CRKL: variants seen among roughly 807,000 people sequenced by gnomAD.
CRKL encodes CRK like proto-oncogene, adaptor protein.
CRKL carries 3 observed loss-of-function variants against 23.0 expected under a neutral mutation model. That is an observed-to-expected ratio of 0.13 (90% confidence interval 0.06 to 0.34). CRKL has a LOEUF of 0.34. Ranked by LOEUF, CRKL falls within the 10% of genes least tolerant of loss-of-function variation. The pLI, the probability that CRKL is intolerant of heterozygous loss-of-function variation, is 1.00. For missense variants in CRKL, 256 were observed against 394.5 expected (o/e 0.65, Z 2.97); for synonymous variants, 188 against 160.7 (o/e 1.17, Z -1.28).
intron 2 of CRKL, among the ~76,000 whole-genome samples, chr22:20,942,305 G>C (rs571360534): frequency 6.6e-6 from 1 of 152,284 alleles, no homozygotes; most frequent in East Asian, 1.9e-4. Context: ...CCAGTGCTTT[G>C]AAAGGCCAAG....
chr22:20,939,233 CTTTTTTTTTTTTTT>C (rs140538861), intron 2 of CRKL, among the ~76,000 whole-genome samples: 8 of 75,150 alleles, frequency 1.1e-4, no homozygotes, highest in Admixed American at 9.8e-4. Flanking sequence ...ACATAAGTTG[CTTTTTTTTTTTTTT>C]TTTTTTTTTT....
chr22:20,933,588 A>G (rs1921544721), intron 1 of CRKL, among the ~76,000 whole-genome samples, 191 bp from the exon 2 acceptor site: 1 of 152,042 alleles, frequency 6.6e-6, no homozygotes, highest in South Asian at 2.1e-4. Context: ...GCATCACTTG[A>G]ACCTGGGAGG....
At chr22:20,925,017 G>T (rs561872564) in intron 1 of CRKL, among the ~76,000 whole-genome samples, 2 of 151,832 alleles carry the variant, frequency 1.3e-5, no homozygotes, top group African/African-American at 4.8e-5. Flanking sequence ...GTGAAACCCC[G>T]TCTCTACTAA....
chr22:20,921,357 T>G (rs1451471785), intron 1 of CRKL, among the ~76,000 whole-genome samples: 2 of 152,224 alleles, frequency 1.3e-5, no homozygotes, highest in Non-Finnish European at 2.9e-5. Flanking sequence ...AATTTTATAT[T>G]TTTATTCAAA....
At chr22:20,947,238 TCTC>T (rs1285713680) in intron 2 of CRKL, among the ~76,000 whole-genome samples, 54 of 142,966 alleles carry the variant, frequency 3.8e-4, no homozygotes, top group African/African-American at 1.4e-3. Flanking sequence ...TCTGTCTCTC[TCTC>T]TTTTTTTTTT....
chr22:20,938,344 T>A (rs1921740380), intron 2 of CRKL, among the ~76,000 whole-genome samples: 1 of 152,228 alleles, frequency 6.6e-6, no homozygotes, highest in South Asian at 2.1e-4. Context: ...TCTTGCTGAC[T>A]TTTCTGCAAG....
In CRKL at chr22:20,950,017, G is replaced by GTTTGTA. The variant is rs1398525056; in HGVS notation, c.*174_*179dup. Reference sequence around the variant, plus strand: ...ATGCACACAGCGGCTGCCTCCTGATGTTTGTATCATAGTCGTATTGTCAAA... The same window carrying GTTTGTA: ...ATGCACACAGCGGCTGCCTCCTGATGTTTGTATTTGTATCATAGTCGTATTGTCAAA... On this transcript the variant is annotated 3_prime_UTR_variant, in exon 3 of 3. Coordinates refer to ENST00000354336, the MANE Select transcript of CRKL (RefSeq NM_005207.4). 2 of 795,904 alleles carry GTTTGTA rather than the reference G, an allele frequency of 2.5e-6. No individual in the cohort carries two copies. Among genetic ancestry groups the GTTTGTA allele is most frequent in the Non-Finnish European group, 3.8e-6 (2 of 524,090 alleles). The allele number at this position is 795,904 out of a possible 1,614,324, so 49.3% of individuals were successfully genotyped here. A position where few individuals can be genotyped will look rare whatever the true frequency, so the allele number is the denominator to read the frequency against.
intron 2 of CRKL, among the ~76,000 whole-genome samples, chr22:20,938,626 C>T (rs779501727): frequency 6.6e-6 from 1 of 152,168 alleles, no homozygotes; most frequent in Non-Finnish European, 1.5e-5. Flanking sequence ...GGTTTACAGG[C>T]AATTTCTTTT....
At chr22:20,940,240 G>C (rs1201954410) in intron 2 of CRKL, among the ~76,000 whole-genome samples, 1 of 151,936 alleles carries the variant, frequency 6.6e-6, no homozygotes, top group Non-Finnish European at 1.5e-5. Flanking sequence ...TCTATAAAAA[G>C]ACAGTGAGGT....
At chr22:20,948,888 A>G (rs1158468719) in intron 2 of CRKL, among the ~76,000 whole-genome samples, 3 of 152,178 alleles carry the variant, frequency 2.0e-5, no homozygotes, top group Non-Finnish European at 2.9e-5. Context: ...TTATGGACCT[A>G]AGTACACAAT....
In CRKL at chr22:20,942,883, G is replaced by A. The variant is rs184806280; in HGVS notation, c.778-6828G>A. On this transcript the variant is annotated intron_variant, in intron 2 of 2. Coordinates refer to ENST00000354336, the MANE Select transcript of CRKL (RefSeq NM_005207.4). ...ATCGCTCACCTCAGCCTCCCAAAGTGCTGGGATTATAGGCATGAGCCTCCT... is the reference window on the plus strand; with the variant it reads ...ATCGCTCACCTCAGCCTCCCAAAGTACTGGGATTATAGGCATGAGCCTCCT... Among the ~76,000 whole-genome samples, 11 of 152,256 alleles carry A rather than the reference G, an allele frequency of 7.2e-5. 1 individual carries two copies. Among genetic ancestry groups the A allele is most frequent in the African/African-American group, 2.6e-4 (11 of 41,550 alleles).
At chr22:20,932,982 A>G (rs1018754201) in intron 1 of CRKL, among the ~76,000 whole-genome samples, 5 of 152,118 alleles carry the variant, frequency 3.3e-5, no homozygotes, top group Non-Finnish European at 1.5e-5. Context: ...CGGGAGGCTG[A>G]GGCAGAAAAA....
chr22:20,941,589 T>TATA lies in CRKL; in HGVS notation c.777+7345_777+7346insATA, dbSNP rs1491187455. Among the ~76,000 whole-genome samples the TATA allele has an allele frequency of 2.2e-3, 70 of 32,140 alleles. 2 individuals carry two copies. The highest frequency in any genetic ancestry group is 6.9e-3 in the African/African-American group (62 of 8,990). 21.1% of individuals were successfully genotyped at this position (32,140 alleles called of 152,430 possible). On this transcript the variant is annotated intron_variant, in intron 2 of 2. Transcript: ENST00000354336. The stretch of plus-strand genomic sequence containing the variant: ...GTGTGTGTGTGTGTGTATATATATA[T>TATA]TTTTTTTTTTTTTTTTTTTTTTTGA...
Position 20,939,233 on chromosome 22 carries a change from C to CTTTTTTTTTTTTTTTT in CRKL, c.777+4999_777+5014dup, listed in dbSNP as rs140538861. On this transcript the variant is annotated intron_variant, in intron 2 of 2. Transcript: ENST00000354336. ...TGTGGCACATCTGGAACATAAGTTG[C>CTTTTTTTTTTTTTTTT]TTTTTTTTTTTTTTTTTTTTTTTTT... 2.7e-5 allele frequency among the ~76,000 whole-genome samples: 2 copies of CTTTTTTTTTTTTTTTT among 75,146 alleles called. 1 individual carries two copies. Among genetic ancestry groups the CTTTTTTTTTTTTTTTT allele is most frequent in the African/African-American group, 1.2e-4 (2 of 17,248 alleles). The allele number at this position is 75,146 out of a possible 152,430, so 49.3% of individuals were successfully genotyped here.
intron 2 of CRKL, among the ~76,000 whole-genome samples, chr22:20,938,641 TATTA>T (rs1432613011): frequency 6.6e-6 from 1 of 152,246 alleles, no homozygotes. Flanking sequence ...TCTTTTTATA[TATTA>T]ATTTTTAAAT....
intron 2 of CRKL, among the ~76,000 whole-genome samples, chr22:20,934,805 A>ATTTT (rs67055933): frequency 1.0e-4 from 10 of 98,530 alleles, no homozygotes; most frequent in Non-Finnish European, 1.3e-4. Context: ...AGAGGAATGA[A>ATTTT]TTTTTTTTTT....
intron 2 of CRKL, among the ~76,000 whole-genome samples, chr22:20,940,132 A>G (rs1921817618): frequency 6.6e-6 from 1 of 152,126 alleles, no homozygotes; most frequent in African/African-American, 2.4e-5. Context: ...TAGCATATTC[A>G]TTACCCTCCA....
chr22:20,943,296 C>T (rs528069020), intron 2 of CRKL, among the ~76,000 whole-genome samples: 13 of 152,180 alleles, frequency 8.5e-5, no homozygotes, highest in Non-Finnish European at 1.3e-4. Flanking sequence ...AGTACAATGG[C>T]ACTCACGATC....
chr22:20,925,471 C>T (rs759460794), intron 1 of CRKL, among the ~76,000 whole-genome samples: 41 of 152,176 alleles, frequency 2.7e-4, no homozygotes, highest in Non-Finnish European at 5.1e-4. Context: ...ATTGCGCCAG[C>T]GCCACTGCAC....
Sources: allele counts gnomAD v4.1 joint callset (sites outside exome capture counted in the v4.1 genomes callset), GRCh38; gene constraint gnomAD v4.1.1; transcripts MANE v1.5; gene names NCBI Gene and HGNC (gene_info 2026-07-23, HGNC 2026-07-21).